The following RBM19 variants were observed in gnomAD, a reference collection of about 807,000 sequenced individuals.
The protein encoded by RBM19 is probable RNA-binding protein 19.
Under a neutral mutation model 116.8 loss-of-function variants are expected in RBM19, and 94 were observed. That is an observed-to-expected ratio of 0.80 (90% CI 0.68 to 0.95). The LOEUF is 0.95. Ranked by LOEUF, RBM19 falls within the 40% of genes least tolerant of loss-of-function variation. The pLI is 0.00. For missense variants in RBM19, 1,161 were observed against 1,220.7 expected (o/e 0.95, Z 0.73); for synonymous variants, 475 against 494.1 (o/e 0.96, Z 0.51).
intron 21 of RBM19, among the ~76,000 whole-genome samples, chr12:113,869,511 C>G (rs2135761709): frequency 6.6e-6 from 1 of 152,306 alleles, no homozygotes; most frequent in East Asian, 1.9e-4. Flanking sequence ...AGTGGATGCT[C>G]TCCCCCACTT....
At chr12:113,939,021 C>T (rs187496821) in intron 15 of RBM19, among the ~76,000 whole-genome samples, 1 of 152,320 alleles carries the variant, frequency 6.6e-6, no homozygotes, top group Non-Finnish European at 1.5e-5. Context: ...TTTTCTAAAC[C>T]AAGAACCAGG....
intron 16 of RBM19, 21 bp from the exon 17 acceptor site, chr12:113,927,250 A>T: frequency 6.5e-7 from 1 of 1,538,528 alleles, no homozygotes. Flanking sequence ...ATCAAAACAA[A>T]AACAAAAACA....
intron 23 of RBM19, among the ~76,000 whole-genome samples, chr12:113,831,834 T>C (rs1459503124): frequency 6.6e-6 from 1 of 151,286 alleles, no homozygotes; most frequent in East Asian, 1.9e-4. Flanking sequence ...GCGTGGGGAG[T>C]GGAAGGAAGT....
At chr12:113,912,900 G>T (rs371610099) in intron 21 of RBM19, among the ~76,000 whole-genome samples, 1 of 152,266 alleles carries the variant, frequency 6.6e-6, no homozygotes, top group African/African-American at 2.4e-5. Context: ...CCTGCTGTCT[G>T]CAACGAGGAA....
chr12:113,826,288 T>A (rs953253693), intron 23 of RBM19, among the ~76,000 whole-genome samples: 1 of 152,260 alleles, frequency 6.6e-6, no homozygotes, highest in Non-Finnish European at 1.5e-5. Flanking sequence ...TCTGTCTTCC[T>A]GGCTGGAACA....
At chr12:113,954,453 T>C (rs1214622518) in intron 7 of RBM19, among the ~76,000 whole-genome samples, 2 of 152,248 alleles carry the variant, frequency 1.3e-5, no homozygotes, top group African/African-American at 4.8e-5. Flanking sequence ...GAGTTGTCAC[T>C]GTATTTGGAG....
intron 13 of RBM19, among the ~76,000 whole-genome samples, chr12:113,943,861 A>G (rs914089425): frequency 2.6e-5 from 4 of 152,102 alleles, no homozygotes; most frequent in Non-Finnish European, 5.9e-5. Flanking sequence ...ACTGAGTTAC[A>G]TGAAATATAT....
chr12:113,914,899 A>T (rs1882673630), intron 21 of RBM19, 70 bp downstream of exon 21: 8 of 1,376,350 alleles, frequency 5.8e-6, no homozygotes, highest in Middle Eastern at 1.8e-4. Context: ...CCCAAAGGCC[A>T]TCTTCCCTGA....
chr12:113,925,617 G>A (rs369566710), intron 17 of RBM19, among the ~76,000 whole-genome samples: 60 of 152,290 alleles, frequency 3.9e-4, no homozygotes, highest in African/African-American at 1.3e-3. Flanking sequence ...TGGGAACTAC[G>A]GGCTCTTCCC....
chr12:113,901,772 C>T (rs149657060), intron 21 of RBM19, among the ~76,000 whole-genome samples: 5,330 of 152,168 alleles, frequency 0.035, 302 homozygotes, highest in Admixed American at 0.15. Flanking sequence ...GCCTCAGCTT[C>T]CCAAAGTGCT....
At chr12:113,909,916 T>G (rs12310777) in intron 21 of RBM19, among the ~76,000 whole-genome samples, 10,976 of 152,220 alleles carry the variant, frequency 0.072, 1,312 homozygotes, top group African/African-American at 0.25. Context: ...CACCCAGCTG[T>G]CAGGCAGGGC....
At position 113,858,855 on chromosome 12, in the gene RBM19, A is replaced by G; in HGVS notation, c.2600T>C (p.Met867Thr). The change falls in exon 22 of 24, where the codon ATG becomes ACG. Residue 867 changes from methionine (M) to threonine (T), a missense_variant. By Grantham distance (81) the Met-to-Thr change is moderately conservative. Coordinates refer to ENST00000261741, the MANE Select transcript of RBM19 (RefSeq NM_016196.4). Reference protein sequence around the residue: ...ELKTVRLPKKMTGTGTHRGFG... With the variant: ...ELKTVRLPKKTTGTGTHRGFG... ...GCCTCTGTGTGTGCCTGTCCCAGTC[A>G]TCTTCTTTGGCAGGCGGACCGTCTT... 6.2e-7 allele frequency: 1 copy of G among 1,614,164 alleles called. No individual in the cohort carries two copies. Among genetic ancestry groups the G allele is most frequent in the Non-Finnish European group, 8.5e-7 (1 of 1,180,040 alleles).
intron 23 of RBM19, among the ~76,000 whole-genome samples, chr12:113,830,283 C>A (rs1208510319): frequency 1.3e-5 from 2 of 152,120 alleles, no homozygotes; most frequent in Admixed American, 1.3e-4. Flanking sequence ...AGCTAGGAAC[C>A]CACTGATGCC....
chr12:113,860,063 C>T (rs1452031702), intron 21 of RBM19, among the ~76,000 whole-genome samples: 1 of 152,224 alleles, frequency 6.6e-6, no homozygotes, highest in South Asian at 2.1e-4. Context: ...TGAATCTGCA[C>T]GTCTCCTCGG....
intron 21 of RBM19, among the ~76,000 whole-genome samples, chr12:113,883,167 G>A (rs1880273107): frequency 6.6e-6 from 1 of 152,336 alleles, no homozygotes; most frequent in South Asian, 2.1e-4. Flanking sequence ...CGCCTCTAAA[G>A]AAAACTCCTG....
At chr12:113,867,193 G>A (rs951973690) in intron 21 of RBM19, among the ~76,000 whole-genome samples, 6 of 152,322 alleles carry the variant, frequency 3.9e-5, no homozygotes, top group Admixed American at 3.3e-4. Context: ...GTCTTGCCAT[G>A]GCAATTTGCT....
At position 113,822,511 on chromosome 12, in the gene RBM19, C is replaced by T. The variant is rs992523295; in HGVS notation, c.*713G>A. ...GCTTGGAGCTCGATGCTTCATGAGC[C>T]GCTGGGAGGCTTCCCTGGGTGACTG... On this transcript the variant is annotated 3_prime_UTR_variant, in exon 24 of 24. Transcript: ENST00000261741. The T allele has an allele frequency of 7.2e-5, 11 of 152,188 alleles. No homozygotes were observed. Among genetic ancestry groups the T allele is most frequent in the African/African-American group, 2.7e-4 (11 of 41,430 alleles). The allele number at this position is 152,188 out of a possible 1,614,324, so 9.4% of individuals were successfully genotyped here. A position where few individuals can be genotyped will look rare whatever the true frequency, so the allele number is the denominator to read the frequency against.
At chr12:113,839,019 A>T (rs1430162288) in intron 23 of RBM19, among the ~76,000 whole-genome samples, 1 of 152,184 alleles carries the variant, frequency 6.6e-6, no homozygotes, top group Admixed American at 6.5e-5. Flanking sequence ...CCTGCCTTTC[A>T]TTCTGTGGCC....
intron 21 of RBM19, among the ~76,000 whole-genome samples, chr12:113,889,676 A>C (rs76355324): frequency 0.35 from 52,164 of 147,914 alleles, 10,352 homozygotes; most frequent in African/African-American, 0.56. Context: ...CAAACAACAA[A>C]AAAAAAAACA....
Sources: gnomAD v4.1 joint callset for allele counts (sites outside exome capture counted in the v4.1 genomes callset) on GRCh38, gnomAD v4.1.1 for gene constraint, MANE v1.5 for transcripts, NCBI Gene and HGNC (gene_info 2026-07-23, HGNC 2026-07-21) for gene names.